Variants in PRR16 observed in about 807,000 individuals in gnomAD.
PRR16 encodes proline rich 16.
In PRR16, 6 loss-of-function variants were observed where a neutral mutation model predicts 18.2. The observed-to-expected ratio is 0.33, with a 90% confidence interval of 0.18 to 0.65. The LOEUF (loss-of-function observed/expected upper bound fraction) is 0.65, where lower values mean the gene tolerates loss of function less well. Among genes scored for constraint, PRR16 ranks in the 30% least tolerant of loss-of-function variants. The pLI, the probability that PRR16 is intolerant of heterozygous loss-of-function variation, is 0.74. For missense variants in PRR16, 412 were observed against 376.6 expected (o/e 1.09, Z -0.78); for synonymous variants, 151 against 147.8 (o/e 1.02, Z -0.16).
rs1246943061 is a variant in PRR16, at chr5:120,686,616, C to T, written c.822C>T (p.Ser274=). Residue 274 remains serine (S), a synonymous_variant, in exon 2 of 2, where the codon AGC becomes AGT. Coordinates refer to ENST00000407149, the MANE Select transcript of PRR16 (RefSeq NM_001300783.2). The part of the protein sequence containing the change: ...NGGMGISHSN[S]FPPIRPATVP... ...GAATGGGAATAAGCCACAGTAACAG[C>T]TTCCCCCCTATCAGACCTGCAACTG... The T allele has an allele frequency of 6.2e-7, 1 of 1,612,326 alleles. No homozygotes were observed. Among genetic ancestry groups the T allele is most frequent in the South Asian group, 1.1e-5 (1 of 90,832 alleles).
At chr5:120,669,844 A>G (rs934388661) in intron 1 of PRR16, among the ~76,000 whole-genome samples, 1 of 152,122 alleles carries the variant, frequency 6.6e-6, no homozygotes, top group Admixed American at 6.6e-5. Flanking sequence ...AGAGAATTTA[A>G]TGAAGTACAA....
chr5:120,726,417 C>T, the PRR16 span, among the ~76,000 whole-genome samples: 1 of 151,882 alleles, frequency 6.6e-6, no homozygotes, highest in African/African-American at 2.4e-5. Flanking sequence ...GCACAACTTT[C>T]CTCAATACCC....
chr5:120,577,090 A>T (rs1317282776), intron 1 of PRR16, among the ~76,000 whole-genome samples: 1 of 151,988 alleles, frequency 6.6e-6, no homozygotes, highest in Non-Finnish European at 1.5e-5. Context: ...ATTTCAGGAA[A>T]TGGTTAAAAA....
At chr5:120,761,598 T>C in the PRR16 span, among the ~76,000 whole-genome samples, 1 of 152,136 alleles carries the variant, frequency 6.6e-6, no homozygotes, top group Non-Finnish European at 1.5e-5. Flanking sequence ...TCTTTTTTTA[T>C]CAGTACATAA....
chr5:120,780,391 T>A, the PRR16 span, among the ~76,000 whole-genome samples: 2 of 151,978 alleles, frequency 1.3e-5, no homozygotes, highest in Admixed American at 6.6e-5. Flanking sequence ...AAGAAGCTGG[T>A]GGTGATCTTA....
chr5:120,762,932 T>G, the PRR16 span, among the ~76,000 whole-genome samples: 2 of 152,188 alleles, frequency 1.3e-5, no homozygotes, highest in Admixed American at 6.5e-5. Context: ...TCATTCACTT[T>G]GAGTTGATTT....
chr5:120,680,165 A>G (rs10069291), intron 1 of PRR16, among the ~76,000 whole-genome samples: 8,860 of 152,130 alleles, frequency 0.058, 315 homozygotes, highest in South Asian at 0.085. Flanking sequence ...ATGACTTTAT[A>G]TCCTTTTAAA....
At chr5:120,670,573 G>C (rs1270331820) in intron 1 of PRR16, among the ~76,000 whole-genome samples, 1 of 152,040 alleles carries the variant, frequency 6.6e-6, no homozygotes, top group Non-Finnish European at 1.5e-5. Context: ...ACGTATTCTG[G>C]ATGATTAAAT....
rs1757103647 is a variant in PRR16 at position 120,685,947 on chromosome 5, C to G, written c.160-7C>G. 6.2e-7 allele frequency: 1 copy of G among 1,608,674 alleles called. No homozygotes were observed. Among genetic ancestry groups the G allele is most frequent in the South Asian group, 1.1e-5 (1 of 90,454 alleles). Reference sequence around the variant, plus strand: ...CTTCAAAACAATTACCTTGTCCTTTCCACTAGGTGGTTGACCAGATTGACA... The same window carrying G: ...CTTCAAAACAATTACCTTGTCCTTTGCACTAGGTGGTTGACCAGATTGACA... On this transcript the variant is annotated splice_region_variant and splice_polypyrimidine_tract_variant and intron_variant, in intron 1 of 1. Transcript: ENST00000407149.
the PRR16 span, among the ~76,000 whole-genome samples, chr5:120,694,133 T>G: frequency 1.3e-5 from 2 of 152,198 alleles, no homozygotes; most frequent in Admixed American, 6.5e-5. Flanking sequence ...ATACAAATCA[T>G]TCTTATTAAT....
chr5:120,694,404 G>T, the PRR16 span, among the ~76,000 whole-genome samples: 1 of 152,164 alleles, frequency 6.6e-6, no homozygotes, highest in Non-Finnish European at 1.5e-5. Context: ...TAGAATTCTG[G>T]CCGGGCGCGG....
At chr5:120,523,758 A>G (rs1320096458) in intron 1 of PRR16, among the ~76,000 whole-genome samples, 2 of 149,464 alleles carry the variant, frequency 1.3e-5, no homozygotes, top group Non-Finnish European at 3.0e-5. Context: ...GTAAGTCAAA[A>G]TTTTCAGAGT....
the PRR16 span, among the ~76,000 whole-genome samples, chr5:120,771,064 T>A: frequency 6.6e-6 from 1 of 152,046 alleles, no homozygotes; most frequent in Non-Finnish European, 1.5e-5. Context: ...CATTTATTCA[T>A]TTCTGGTACC....
chr5:120,570,031 G>A (rs1685868908), intron 1 of PRR16, among the ~76,000 whole-genome samples: 1 of 152,106 alleles, frequency 6.6e-6, no homozygotes, highest in African/African-American at 2.4e-5. Context: ...CCAGGACCTG[G>A]TTTCTCTGTT....
At chr5:120,703,274 T>C in the PRR16 span, among the ~76,000 whole-genome samples, 1 of 152,158 alleles carries the variant, frequency 6.6e-6, no homozygotes, top group Non-Finnish European at 1.5e-5. Context: ...ACTTCTTTTG[T>C]GGTGGAATGT....
chr5:120,675,470 A>C (rs1226445211), intron 1 of PRR16, among the ~76,000 whole-genome samples: 2 of 152,098 alleles, frequency 1.3e-5, no homozygotes, highest in East Asian at 3.9e-4. Context: ...ATTACTTCTC[A>C]CTTCCACTTT....
intron 1 of PRR16, among the ~76,000 whole-genome samples, chr5:120,495,552 T>G (rs72786259): frequency 0.023 from 3,490 of 152,268 alleles, 51 homozygotes; most frequent in Admixed American, 0.031. Context: ...GTTTAGGTTT[T>G]TGGACTTTGT....
the PRR16 span, among the ~76,000 whole-genome samples, chr5:120,707,371 G>C: frequency 1.3e-5 from 2 of 152,178 alleles, no homozygotes; most frequent in Non-Finnish European, 2.9e-5. Context: ...CTCCATGGGA[G>C]GAGAATGCTG....
intron 1 of PRR16, among the ~76,000 whole-genome samples, chr5:120,597,851 A>G (rs531769893): frequency 6.6e-6 from 1 of 151,864 alleles, no homozygotes; most frequent in African/African-American, 2.4e-5. Context: ...TTTGAAATGT[A>G]AGATCAACTT....
Sources: allele counts gnomAD v4.1 joint callset (sites outside exome capture counted in the v4.1 genomes callset), GRCh38; gene constraint gnomAD v4.1.1; transcripts MANE v1.5; gene names NCBI Gene and HGNC (gene_info 2026-07-23, HGNC 2026-07-21).